GPR149: variants seen among roughly 807,000 people sequenced by gnomAD.
GPR149 encodes the protein G protein-coupled receptor 149, also known as probable G protein-coupled receptor 149.
Under a neutral mutation model 50.2 loss-of-function variants are expected in GPR149, and 50 were observed. The observed-to-expected ratio is 1.00, with a 90% CI of 0.79 to 1.26. The LOEUF (loss-of-function observed/expected upper bound fraction) is 1.26, where lower values mean the gene tolerates loss of function less well. Ranked by LOEUF, GPR149 falls within the 50% of genes most tolerant of loss-of-function variation. The probability of loss-of-function intolerance (pLI) is 0.00; values close to 1 mark genes in which losing one functional copy is unlikely to be tolerated. For synonymous variants in GPR149, 405 were observed against 358.2 expected (o/e 1.13, Z -1.48); for missense variants, 983 against 895.4 (o/e 1.10, Z -1.25).
chr3:154,429,682 C>CT lies in GPR149; in HGVS notation c.-68dup. The CT allele has an allele frequency of 7.2e-7, 1 of 1,392,232 alleles. No homozygotes were observed. Among genetic ancestry groups the CT allele is most frequent in the Non-Finnish European group, 9.9e-7 (1 of 1,008,298 alleles). The allele number at this position is 1,392,232 out of a possible 1,614,324, so 86.2% of individuals were successfully genotyped here. ...ATAATTTTCTCAAAAGAAAGACCGGCTGCTGCAAATCAGATTTCATTCCTC... is the reference window on the plus strand; with the variant it reads ...ATAATTTTCTCAAAAGAAAGACCGGCTTGCTGCAAATCAGATTTCATTCCTC... On this transcript the variant is annotated 5_prime_UTR_variant, in exon 1 of 4. The change creates a premature stop within an existing upstream ORF in the 5' untranslated region. Coordinates refer to ENST00000389740, the MANE Select transcript of GPR149 (RefSeq NM_001038705.3).
rs538767468 is a variant in GPR149, at chr3:154,338,252, G to A, written c.1643C>T (p.Ala548Val). The A allele has an allele frequency of 8.5e-5, 134 of 1,584,678 alleles. 3 individuals carry two copies. In the East Asian group the frequency reaches 2.8e-3, roughly 33 times the overall value. ...CCCCTGGAATGCACACAAGGGAATG[G>A]CAAGGGCATAACCGGAACGCTGGGG... Reference protein sequence around the residue: ...TPRQRSGYALAIPLCAFQGTV... With the variant: ...TPRQRSGYALVIPLCAFQGTV... The change falls in exon 4 of 4, where the codon GCC becomes GTC. Residue 548 changes from alanine to valine, a missense_variant. Ala to Val is a moderately conservative substitution (Grantham distance 64). Transcript: ENST00000389740.
intron 3 of GPR149, among the ~76,000 whole-genome samples, chr3:154,373,736 G>C (rs1714720410): frequency 6.6e-6 from 1 of 152,094 alleles, no homozygotes; most frequent in Non-Finnish European, 1.5e-5. Flanking sequence ...AGAATTCTCT[G>C]TCTTCTACTC....
intron 3 of GPR149, among the ~76,000 whole-genome samples, chr3:154,389,457 A>G (rs1715115647): frequency 6.6e-6 from 1 of 152,078 alleles, no homozygotes. Flanking sequence ...CCATACATTC[A>G]GCATTTGAAT....
intron 3 of GPR149, among the ~76,000 whole-genome samples, chr3:154,401,923 T>C (rs1711560737): frequency 6.6e-6 from 1 of 151,946 alleles, no homozygotes; most frequent in Non-Finnish European, 1.5e-5. Context: ...TATGTTTAAA[T>C]CAAAAGGTCA....
intron 3 of GPR149, among the ~76,000 whole-genome samples, chr3:154,413,802 G>A (rs962814941): frequency 2.6e-5 from 4 of 151,796 alleles, no homozygotes; most frequent in African/African-American, 9.7e-5. Context: ...CTCACTAGAA[G>A]GTATCTACCC....
chr3:154,427,552 G>T lies in GPR149; in HGVS notation c.1138C>A (p.Gln380Lys). Residue 380 changes from glutamine to lysine, a missense_variant, in exon 2 of 4, where the codon CAG becomes AAG. By Grantham distance (53) the Gln-to-Lys change is moderately conservative (BLOSUM62 1). Coordinates refer to ENST00000389740, the MANE Select transcript of GPR149 (RefSeq NM_001038705.3). ...TCGGACGCCACTGCATATGCGTTCTGCCTGCAGTTGATGATGCAGCCACAG... is the reference window on the plus strand; with the variant it reads ...TCGGACGCCACTGCATATGCGTTCTTCCTGCAGTTGATGATGCAGCCACAG... ...LPCGCIINCR[Q>K]NAYAVASDGK... The T allele has an allele frequency of 6.2e-7, 1 of 1,613,730 alleles. No individual in the cohort carries two copies. The highest frequency in any genetic ancestry group is 1.3e-5 in the African/African-American group (1 of 75,012).
chr3:154,360,351 G>A (rs1399846), intron 3 of GPR149, among the ~76,000 whole-genome samples: 36,175 of 152,104 alleles, frequency 0.24, 4,576 homozygotes, highest in South Asian at 0.32. Context: ...ACTGCTGGCA[G>A]TTTAACAAGA....
In GPR149 at chr3:154,429,261, T is replaced by A. The variant is rs1191006125; in HGVS notation, c.355A>T (p.Ser119Cys). 1 of 1,614,140 alleles carries A rather than the reference T, an allele frequency of 6.2e-7. No individual in the cohort carries two copies. Among genetic ancestry groups the A allele is most frequent in the South Asian group, 1.1e-5 (1 of 91,076 alleles). ...ALMYLCQGLS[S>C]NLKATLLVSY... ...ACTAGGAGAGTCGCCTTCAAGTTGC[T>A]AGAGAGGCCCTGGCATAAATACATT... Residue 119 changes from serine (S) to cysteine (C), a missense_variant, in exon 1 of 4, where the codon AGC becomes TGC. Transcript: ENST00000389740.
chr3:154,419,760 C>T (rs1051555160), intron 3 of GPR149, among the ~76,000 whole-genome samples: 1 of 151,966 alleles, frequency 6.6e-6, no homozygotes, highest in African/African-American at 2.4e-5. Flanking sequence ...CTAAGTGCAA[C>T]ACTAAGAGGT....
chr3:154,421,250 T>A lies in GPR149; in HGVS notation c.1412A>T (p.Asn471Ile). 1 of 1,613,506 alleles carries A rather than the reference T, an allele frequency of 6.2e-7. No individual in the cohort carries two copies. Among genetic ancestry groups the A allele is most frequent in the Non-Finnish European group, 8.5e-7 (1 of 1,179,592 alleles). The change falls in exon 3 of 4, where the codon AAC (asparagine) becomes ATC (isoleucine). Residue 471 changes from asparagine to isoleucine, a missense_variant. By Grantham distance (149) the Asn-to-Ile change is moderately radical (BLOSUM62 -3). Transcript: ENST00000389740. ...TGTAATATCAGTATTTGTGCATTTG[T>A]TGATGCCTCTTTGTGTGGAGCTGTC... ...SLDSSTQRGI[N>I]KCTNTDITEA...
At chr3:154,374,360 G>C (rs976292514) in intron 3 of GPR149, among the ~76,000 whole-genome samples, 9 of 151,816 alleles carry the variant, frequency 5.9e-5, no homozygotes, top group African/African-American at 2.2e-4. Context: ...TTTTTGTAAA[G>C]ATGGGGTTCG....
intron 3 of GPR149, among the ~76,000 whole-genome samples, chr3:154,414,767 G>A (rs1247041178): frequency 6.6e-6 from 1 of 151,872 alleles, no homozygotes; most frequent in Admixed American, 6.6e-5. Context: ...TACTAATTGA[G>A]GGGTATTCCA....
chr3:154,409,030 T>A (rs1004095853), intron 3 of GPR149, among the ~76,000 whole-genome samples: 1 of 152,210 alleles, frequency 6.6e-6, no homozygotes, highest in Non-Finnish European at 1.5e-5. Context: ...GTCTGCAAGA[T>A]CTGAAGATGA....
chr3:154,378,246 C>CTTA (rs200752882), intron 3 of GPR149, among the ~76,000 whole-genome samples: 1,882 of 151,784 alleles, frequency 0.012, 18 homozygotes, highest in Non-Finnish European at 0.02. Flanking sequence ...CCACACCTGG[C>CTTA]TTATTATTAT....
intron 3 of GPR149, among the ~76,000 whole-genome samples, chr3:154,382,175 G>T (rs1239502973): frequency 6.6e-6 from 1 of 152,146 alleles, no homozygotes; most frequent in African/African-American, 2.4e-5. Flanking sequence ...CAGGCTGTTG[G>T]TTCTGTCATA....
intron 3 of GPR149, among the ~76,000 whole-genome samples, chr3:154,396,836 A>T (rs1715304263): frequency 6.6e-6 from 1 of 151,680 alleles, no homozygotes; most frequent in Non-Finnish European, 1.5e-5. Context: ...GAGGTTAAAA[A>T]AAATAGATGG....
rs367817481 is a variant in GPR149, at chr3:154,427,737, A to T, written c.982-29T>A. On this transcript the variant is annotated intron_variant, in intron 1 of 3. Transcript: ENST00000389740. ...CAAGGGCAAGAGAACTTCAGACCTA[A>T]CCTAAAATTATACTTTGTACTTCTC... The T allele has an allele frequency of 5.1e-6, 8 of 1,583,422 alleles. No homozygotes were observed. In the East Asian group the frequency reaches 1.3e-4, roughly 27 times the overall value.
At chr3:154,379,551 C>T (rs72998702) in intron 3 of GPR149, among the ~76,000 whole-genome samples, 2,912 of 152,028 alleles carry the variant, frequency 0.019, 81 homozygotes, top group African/African-American at 0.067. Context: ...CCTAAATTTT[C>T]TTCTATAAGT....
At position 154,429,221 on chromosome 3, in the gene GPR149, T is replaced by C. The variant is rs778919094; in HGVS notation, c.395A>G (p.Tyr132Cys). ...KATLLVSYNF[Y>C]TMHRGVGSQT... ...GCTCCCCACACCTCTGTGCATCGTATAAAAGTTGTAAGAGACTAGGAGAGT... is the reference window on the plus strand; with the variant it reads ...GCTCCCCACACCTCTGTGCATCGTACAAAAGTTGTAAGAGACTAGGAGAGT... Residue 132 changes from tyrosine to cysteine, a missense_variant, in exon 1 of 4, where the codon TAT becomes TGT. Physicochemically the swap from Tyr to Cys is radical, Grantham distance 194. Coordinates refer to ENST00000389740, the MANE Select transcript of GPR149 (RefSeq NM_001038705.3). The C allele has an allele frequency of 1.2e-6, 2 of 1,614,076 alleles. No individual in the cohort carries two copies. The highest frequency in any genetic ancestry group is 1.7e-6 in the Non-Finnish European group (2 of 1,180,000).
Sources: gnomAD v4.1 joint callset for allele counts (sites outside exome capture counted in the v4.1 genomes callset) on GRCh38, gnomAD v4.1.1 for gene constraint, MANE v1.5 for transcripts, NCBI Gene and HGNC (gene_info 2026-07-23, HGNC 2026-07-21) for gene names.